The following SYNRG variants were observed in gnomAD, a reference collection of about 807,000 sequenced individuals.
The protein encoded by SYNRG is AP1 gamma subunit binding protein 1.
SYNRG carries 37 observed loss-of-function variants against 130.9 expected under a neutral mutation model. The ratio of observed to expected loss-of-function variants is 0.28; its 90% CI spans 0.22 to 0.37. The LOEUF is 0.37. Ranked by LOEUF, SYNRG falls within the 10% of genes least tolerant of loss-of-function variation. The probability of loss-of-function intolerance (pLI) is 1.00; values close to 1 mark genes in which losing one functional copy is unlikely to be tolerated. For synonymous variants in SYNRG, 539 were observed against 568.1 expected (o/e 0.95, Z 0.73); for missense variants, 1,338 against 1,588.9 (o/e 0.84, Z 2.68).
chr17:37,520,275 A>C, intron 20 of SYNRG, 61 bp from the exon 21 acceptor site: 1 of 1,605,858 alleles, frequency 6.2e-7, no homozygotes, highest in Non-Finnish European at 8.5e-7. Context: ...CTTGCCTCCA[A>C]ACACATCTTT....
chr17:37,584,639 T>A lies in SYNRG; in HGVS notation c.589+9A>T. 1 of 1,611,608 alleles carries A rather than the reference T, an allele frequency of 6.2e-7. No homozygotes were observed. Among genetic ancestry groups the A allele is most frequent in the Non-Finnish European group, 8.5e-7 (1 of 1,177,960 alleles). The stretch of plus-strand genomic sequence containing the variant: ...CAGAAAAGAAAAATATAATGCCTCT[T>A]AAAACTACCTGGTTTCTTGGGGTGC... On this transcript the variant is annotated intron_variant, in intron 6 of 21. Transcript: ENST00000612223.
At chr17:37,548,114 A>T (rs2058425413) in intron 14 of SYNRG, among the ~76,000 whole-genome samples, 1 of 152,244 alleles carries the variant, frequency 6.6e-6, no homozygotes, top group South Asian at 2.1e-4. Context: ...TGCAGAAAAG[A>T]GTTAAAATAA....
At chr17:37,581,390 G>A (rs1215946368) in intron 6 of SYNRG, among the ~76,000 whole-genome samples, 1 of 151,868 alleles carries the variant, frequency 6.6e-6, no homozygotes, top group Admixed American at 6.6e-5. Flanking sequence ...TGATTCTCGT[G>A]CCTCAGCCTC....
intron 14 of SYNRG, among the ~76,000 whole-genome samples, chr17:37,550,645 C>A (rs2058639450): frequency 6.7e-6 from 1 of 149,722 alleles, no homozygotes; most frequent in South Asian, 2.1e-4. Context: ...AATTTGAAGG[C>A]ACATTCACAC....
At chr17:37,572,725 C>T (rs376139564) in intron 8 of SYNRG, among the ~76,000 whole-genome samples, 31 of 152,216 alleles carry the variant, frequency 2.0e-4, no homozygotes, top group African/African-American at 7.0e-4. Flanking sequence ...GAAGGTGCTA[C>T]GGAAATACAG....
At chr17:37,584,549 A>C (rs752509795) in intron 6 of SYNRG, 99 bp downstream of exon 6, 2 of 943,788 alleles carry the variant, frequency 2.1e-6, no homozygotes, top group Non-Finnish European at 3.3e-6. Flanking sequence ...AGAGTTCTAC[A>C]TTGACTTTTC....
chr17:37,609,138 G>A, intron 1 of SYNRG, 141 bp downstream of exon 1: 1 of 1,010,620 alleles, frequency 9.9e-7, no homozygotes, highest in South Asian at 2.7e-5. Context: ...CTTTCGGCCT[G>A]GGTCCCTGGG....
intron 8 of SYNRG, among the ~76,000 whole-genome samples, chr17:37,575,910 A>G (rs2060800936): frequency 6.6e-6 from 1 of 151,876 alleles, no homozygotes; most frequent in Non-Finnish European, 1.5e-5. Flanking sequence ...AAGATCCCAC[A>G]TGGTCTTTTA....
At chr17:37,533,916 A>ATT (rs2056913597) in intron 19 of SYNRG, among the ~76,000 whole-genome samples, 11 of 77,622 alleles carry the variant, frequency 1.4e-4, no homozygotes, top group African/African-American at 4.8e-4. Context: ...TCTAAACTTC[A>ATT]TTTTCTTTTC....
At chr17:37,531,097 T>C (rs1222323232) in intron 19 of SYNRG, among the ~76,000 whole-genome samples, 31 of 151,988 alleles carry the variant, frequency 2.0e-4, no homozygotes, top group Admixed American at 2.0e-3. Flanking sequence ...AAGCCAGGCA[T>C]GGTGGTGCAT....
intron 1 of SYNRG, among the ~76,000 whole-genome samples, chr17:37,607,978 A>AAAAAAAAAAAAG: frequency 9.6e-6 from 1 of 103,780 alleles, no homozygotes; most frequent in Admixed American, 9.8e-5. Context: ...AAAAAAAAAA[A>AAAAAAAAAAAAG]AACAAGACAA....
At chr17:37,580,857 C>T (rs916368524) in intron 6 of SYNRG, among the ~76,000 whole-genome samples, 12 of 151,706 alleles carry the variant, frequency 7.9e-5, no homozygotes, top group Admixed American at 6.6e-4. Flanking sequence ...TTAGTAGAGA[C>T]GGGGGTTTCT....
chr17:37,539,604 C>T (rs1012106302), intron 16 of SYNRG, among the ~76,000 whole-genome samples: 17 of 152,130 alleles, frequency 1.1e-4, no homozygotes, highest in African/African-American at 3.1e-4. Context: ...CTCCTGAGCT[C>T]GAGTGATCTG....
At chr17:37,568,590 A>G (rs1419081978) in intron 11 of SYNRG, 7 of 507,724 alleles carry the variant, frequency 1.4e-5, no homozygotes, top group Non-Finnish European at 1.7e-5. Flanking sequence ...TACTTACAGG[A>G]AACAGTAGGA....
intron 3 of SYNRG, among the ~76,000 whole-genome samples, chr17:37,594,017 TTAAGG>T (rs1244345454): frequency 6.6e-5 from 10 of 151,968 alleles, no homozygotes; most frequent in Admixed American, 6.6e-4. Context: ...AGGGACATTA[TTAAGG>T]TACTAACAAC....
intron 3 of SYNRG, among the ~76,000 whole-genome samples, chr17:37,592,587 G>A (rs542990615): frequency 9.2e-5 from 14 of 152,198 alleles, no homozygotes; most frequent in Non-Finnish European, 2.1e-4. Flanking sequence ...ATTACTCATC[G>A]ATTATAAAAA....
chr17:37,537,289 C>A (rs983842558), intron 18 of SYNRG: 11 of 152,292 alleles, frequency 7.2e-5, no homozygotes, highest in African/African-American at 2.4e-4. Flanking sequence ...GACCAAAATC[C>A]TTGCCTTCTT....
chr17:37,536,180 C>T, intron 18 of SYNRG, 53 bp from the exon 19 acceptor site: 1 of 1,550,118 alleles, frequency 6.5e-7, no homozygotes, highest in Admixed American at 2.1e-5. Context: ...ACACAGAGGA[C>T]CCAGACAGGG....
rs1448686890 is a variant in SYNRG, at chr17:37,607,972, A to C, written c.77+1307T>G. The stretch of plus-strand genomic sequence containing the variant: ...CTTCCTCTCAAAAAAAAAAAAAAAA[A>C]AAAAAAAACAAGACAAAAGAAAAAG... On this transcript the variant is annotated intron_variant, in intron 1 of 21. Coordinates refer to ENST00000612223, the MANE Select transcript of SYNRG (RefSeq NM_007247.6). 3.7e-3 allele frequency among the ~76,000 whole-genome samples: 539 copies of C among 144,532 alleles called. 7 individuals carry two copies. The highest frequency in any genetic ancestry group is 0.013 in the African/African-American group (515 of 40,056). The allele number at this position is 144,532 out of a possible 152,430, so 94.8% of individuals were successfully genotyped here.
Sources: gnomAD v4.1 joint callset for allele counts (sites outside exome capture counted in the v4.1 genomes callset) on GRCh38, gnomAD v4.1.1 for gene constraint, MANE v1.5 for transcripts, NCBI Gene and HGNC (gene_info 2026-07-23, HGNC 2026-07-21) for gene names.